Variants in C1orf141 observed in about 807,000 individuals in gnomAD.
C1orf141 encodes chromosome 1 open reading frame 141.
C1orf141 carries 19 observed loss-of-function variants against 23.2 expected under a neutral mutation model. The ratio of observed to expected loss-of-function variants is 0.82; its 90% confidence interval spans 0.57 to 1.20. C1orf141 has a LOEUF of 1.20. Ranked by LOEUF, C1orf141 falls within the 50% of genes most tolerant of loss-of-function variation. The pLI, the probability that C1orf141 is intolerant of heterozygous loss-of-function variation, is 0.00. For synonymous variants in C1orf141, 153 were observed against 154.6 expected, an observed-to-expected ratio of 0.99 and a Z score of 0.08; for missense variants, 469 against 455.1, an observed-to-expected ratio of 1.03 and a Z score of -0.28.
chr1:67,107,277 A>T (rs1645950026), intron 5 of C1orf141, among the ~76,000 whole-genome samples: 2 of 152,208 alleles, frequency 1.3e-5, no homozygotes, highest in African/African-American at 2.4e-5. Flanking sequence ...TTAAAGTGAA[A>T]TTTTGATAAA....
chr1:67,136,991 A>G (rs1296631483), upstream of C1orf141, among the ~76,000 whole-genome samples: 3 of 152,210 alleles, frequency 2.0e-5, no homozygotes, highest in African/African-American at 7.2e-5. Context: ...AGCCTAATGA[A>G]TGTTTTATTT....
chr1:67,130,538 C>G (rs540284238), intron 2 of C1orf141, among the ~76,000 whole-genome samples: 2 of 152,104 alleles, frequency 1.3e-5, no homozygotes, highest in Non-Finnish European at 2.9e-5. Flanking sequence ...CACACACATA[C>G]GCACATGCAC....
intron 1 of C1orf141, among the ~76,000 whole-genome samples, chr1:67,132,892 T>C (rs1646540237): frequency 6.6e-6 from 1 of 152,226 alleles, no homozygotes; most frequent in Non-Finnish European, 1.5e-5. Flanking sequence ...TTTTTTGTTG[T>C]TGTTTGTTCG....
At chr1:67,134,807 TC>T (rs1646570327) in intron 1 of C1orf141, 122 bp downstream of exon 1, 1 of 152,370 alleles carries the variant, frequency 6.6e-6, no homozygotes, top group Non-Finnish European at 1.5e-5. Context: ...CTGGAGAACG[TC>T]CCACCGACTC....
intron 5 of C1orf141, chr1:67,111,627 G>A (rs1277886085): frequency 7.2e-7 from 1 of 1,395,368 alleles, no homozygotes; most frequent in Non-Finnish European, 9.6e-7. Flanking sequence ...CTTGATTTTA[G>A]ATGTTCTTCT....
At chr1:67,118,474 A>C (rs961644947) in intron 4 of C1orf141, among the ~76,000 whole-genome samples, 3 of 152,122 alleles carry the variant, frequency 2.0e-5, no homozygotes, top group African/African-American at 7.2e-5. Flanking sequence ...TCTGTTAGAC[A>C]CCACACTTGC....
intron 5 of C1orf141, among the ~76,000 whole-genome samples, chr1:67,107,300 C>T (rs986651187): frequency 6.6e-6 from 1 of 151,598 alleles, no homozygotes; most frequent in African/African-American, 2.4e-5. Context: ...TTCAAATAAT[C>T]CAAAGAAAGG....
chr1:67,115,838 T>G (rs1055456083), intron 4 of C1orf141, among the ~76,000 whole-genome samples: 6 of 152,348 alleles, frequency 3.9e-5, no homozygotes, highest in African/African-American at 1.4e-4. Context: ...ATTCAGGTAC[T>G]AGAAAGGATC....
chr1:67,105,857 C>T (rs1003613990), intron 5 of C1orf141, among the ~76,000 whole-genome samples: 14 of 152,264 alleles, frequency 9.2e-5, no homozygotes, highest in South Asian at 8.3e-4. Flanking sequence ...AGAAAAACCA[C>T]GTTGTTTCTG....
intron 1 of C1orf141, among the ~76,000 whole-genome samples, chr1:67,134,508 C>G (rs1271062262): frequency 1.3e-5 from 2 of 152,208 alleles, no homozygotes; most frequent in African/African-American, 2.4e-5. Flanking sequence ...GGAAATGTAT[C>G]AATTAAGCGG....
chr1:67,136,656 T>C (rs1440950850), upstream of C1orf141, among the ~76,000 whole-genome samples: 1 of 152,238 alleles, frequency 6.6e-6, no homozygotes. Context: ...GCTACAACTT[T>C]AAAATAGTTC....
chr1:67,132,888 G>A (rs1283689043), intron 1 of C1orf141, among the ~76,000 whole-genome samples: 1 of 152,092 alleles, frequency 6.6e-6, no homozygotes, highest in African/African-American at 2.4e-5. Flanking sequence ...ACAGTTTTTT[G>A]TTGTTGTTTG....
intron 5 of C1orf141, among the ~76,000 whole-genome samples, chr1:67,112,105 A>G (rs1192716061): frequency 2.0e-5 from 3 of 152,208 alleles, no homozygotes; most frequent in African/African-American, 4.8e-5. Flanking sequence ...GGACTTAGAT[A>G]GCCTGGGTCC....
At chr1:67,137,794 A>G (rs1646599011), upstream of C1orf141, among the ~76,000 whole-genome samples, 3 of 152,248 alleles carry the variant, frequency 2.0e-5, no homozygotes, top group Admixed American at 2.0e-4. Flanking sequence ...AGTCTTTCCT[A>G]TAAATTCTTT....
intron 5 of C1orf141, among the ~76,000 whole-genome samples, chr1:67,112,652 G>A (rs1646099266): frequency 6.6e-6 from 1 of 151,974 alleles, no homozygotes; most frequent in African/African-American, 2.4e-5. Context: ...AGTGAGCCGT[G>A]ACCACACTGC....
intron 2 of C1orf141, among the ~76,000 whole-genome samples, chr1:67,129,022 T>C (rs1484582415): frequency 1.3e-5 from 2 of 152,170 alleles, no homozygotes; most frequent in African/African-American, 2.4e-5. Context: ...TTTTTTTTAC[T>C]CTTTTTTCCT....
Position 67,093,208 on chromosome 1 carries a change from T to C in C1orf141, c.1000A>G (p.Lys334Glu). Residue 334 changes from lysine (K) to glutamate (E), a missense_variant, in exon 8 of 8, where the codon AAA becomes GAA. Physicochemically the swap from Lys to Glu is moderately conservative, Grantham distance 56 (BLOSUM62 1). Around this residue, in one of 3 missense-constraint regions of C1orf141, gnomAD observed 370 missense variants for 348.1 expected, o/e 1.06. Transcript: ENST00000684719. ...GCACTCATTTCATGAATAACAGCTTTATCAAGGTAACCCACAAATTGTTTT... is the reference window on the plus strand; with the variant it reads ...GCACTCATTTCATGAATAACAGCTTCATCAAGGTAACCCACAAATTGTTTT... ...LTKQFVGYLD[K>E]AVIHEMSAQT... 6.2e-7 allele frequency: 1 copy of C among 1,613,906 alleles called. No individual in the cohort carries two copies. Among genetic ancestry groups the C allele is most frequent in the Non-Finnish European group, 8.5e-7 (1 of 1,179,840 alleles).
At chr1:67,125,647 C>T in intron 4 of C1orf141, 105 bp downstream of exon 4, 2 of 1,099,952 alleles carry the variant, frequency 1.8e-6, no homozygotes, top group South Asian at 1.2e-5. Context: ...TGCAGTGAGC[C>T]ATGTTTGCAC....
At chr1:67,106,696 A>T (rs960715045) in intron 5 of C1orf141, among the ~76,000 whole-genome samples, 4 of 152,104 alleles carry the variant, frequency 2.6e-5, no homozygotes, top group Non-Finnish European at 5.9e-5. Flanking sequence ...AACAAACAAA[A>T]ACTATGCTTC....
Sources: allele counts gnomAD v4.1 joint callset (sites outside exome capture counted in the v4.1 genomes callset), GRCh38; gene constraint gnomAD v4.1.1; regional missense constraint gnomAD v4.1.1; transcripts MANE v1.5; gene names NCBI Gene and HGNC (gene_info 2026-07-23, HGNC 2026-07-21).